Variants in AGBL4 observed in about 807,000 individuals in gnomAD.
AGBL4 encodes the protein cytosolic carboxypeptidase 6.
In AGBL4, 58 loss-of-function variants were observed where a neutral mutation model predicts 66.4. The observed-to-expected ratio is 0.87, with a 90% CI of 0.71 to 1.09. The LOEUF (loss-of-function observed/expected upper bound fraction) is 1.09. Among genes scored for constraint, AGBL4 ranks in the 50% least tolerant of loss-of-function variants. The probability of loss-of-function intolerance (pLI) is 0.00; values close to 1 mark genes in which losing one functional copy is unlikely to be tolerated. For synonymous variants in AGBL4, 234 were observed against 222.9 expected (o/e 1.05, Z -0.44); for missense variants, 579 against 631.0 (o/e 0.92, Z 0.88).
intron 5 of AGBL4, among the ~76,000 whole-genome samples, chr1:48,878,263 C>A (rs934024684): frequency 1.1e-4 from 16 of 152,106 alleles, no homozygotes; most frequent in Admixed American, 1.0e-3. Flanking sequence ...AAGTAGCTCA[C>A]AGCAGCTCCA....
At chr1:50,019,978 C>A (rs987285803) in intron 1 of AGBL4, among the ~76,000 whole-genome samples, 9 of 151,950 alleles carry the variant, frequency 5.9e-5, no homozygotes, top group African/African-American at 2.2e-4. Context: ...GACCCTCTTA[C>A]AGAGCTATCT....
intron 12 of AGBL4, 124 bp from the exon 13 acceptor site, chr1:48,535,040 G>A (rs1643946438): frequency 1.4e-5 from 13 of 898,440 alleles, no homozygotes; most frequent in Admixed American, 2.4e-5. Context: ...AGCATAGGAC[G>A]TAAGTATGTT....
intron 3 of AGBL4, among the ~76,000 whole-genome samples, chr1:49,271,692 A>G (rs1644062705): frequency 6.6e-6 from 1 of 151,952 alleles, no homozygotes. Context: ...ATATTCTACC[A>G]TTTACTTTTA....
At chr1:49,589,409 C>T (rs1233372426) in intron 3 of AGBL4, among the ~76,000 whole-genome samples, 3 of 151,974 alleles carry the variant, frequency 2.0e-5, no homozygotes, top group Non-Finnish European at 4.4e-5. Flanking sequence ...TTTCACTATA[C>T]CATAGCTGTC....
At chr1:49,977,197 C>T (rs1446431272) in intron 1 of AGBL4, among the ~76,000 whole-genome samples, 1 of 150,584 alleles carries the variant, frequency 6.6e-6, no homozygotes, top group African/African-American at 2.4e-5. Flanking sequence ...ATGGGCTTCA[C>T]CTCCCAAATT....
At chr1:49,358,317 A>G (rs1362629083) in intron 3 of AGBL4, among the ~76,000 whole-genome samples, 1 of 152,098 alleles carries the variant, frequency 6.6e-6, no homozygotes, top group Non-Finnish European at 1.5e-5. Flanking sequence ...CCCAGACCCT[A>G]GTTAAAGATT....
intron 1 of AGBL4, among the ~76,000 whole-genome samples, chr1:49,993,852 T>C (rs996852223): frequency 1.3e-5 from 2 of 152,190 alleles, no homozygotes; most frequent in African/African-American, 2.4e-5. Context: ...ACCTTTGCTG[T>C]TGTAAACTCC....
intron 6 of AGBL4, among the ~76,000 whole-genome samples, chr1:48,665,287 A>G (rs1646168211): frequency 6.6e-6 from 1 of 152,210 alleles, no homozygotes; most frequent in African/African-American, 2.4e-5. Flanking sequence ...TTCAACACCT[A>G]AGCATTTCCT....
intron 4 of AGBL4, among the ~76,000 whole-genome samples, chr1:49,056,593 T>C (rs1041172447): frequency 5.3e-5 from 8 of 152,118 alleles, no homozygotes; most frequent in Non-Finnish European, 7.4e-5. Context: ...GAATAAGTGA[T>C]GAGGAGACTG....
At chr1:49,535,510 T>C (rs1448733139) in intron 3 of AGBL4, among the ~76,000 whole-genome samples, 2 of 151,502 alleles carry the variant, frequency 1.3e-5, no homozygotes, top group Non-Finnish European at 1.5e-5. Flanking sequence ...AAAGATTGAC[T>C]GACTTTACTA....
intron 3 of AGBL4, among the ~76,000 whole-genome samples, chr1:49,695,442 C>G (rs1215558735): frequency 1.3e-5 from 2 of 152,104 alleles, no homozygotes; most frequent in Non-Finnish European, 2.9e-5. Flanking sequence ...TTCAGTAACA[C>G]AGACTTTGGA....
At chr1:49,522,176 T>A (rs191872677) in intron 3 of AGBL4, among the ~76,000 whole-genome samples, 2 of 152,138 alleles carry the variant, frequency 1.3e-5, no homozygotes, top group Non-Finnish European at 2.9e-5. Context: ...TTGAGTTAGA[T>A]TTTTTTTGTT....
At chr1:48,946,962 G>A (rs545499383) in intron 5 of AGBL4, among the ~76,000 whole-genome samples, 3 of 152,194 alleles carry the variant, frequency 2.0e-5, no homozygotes, top group Non-Finnish European at 4.4e-5. Context: ...GAAAGGCTCT[G>A]CATCTCAGAG....
At chr1:49,703,684 T>G (rs966226102) in intron 2 of AGBL4, among the ~76,000 whole-genome samples, 3 of 151,970 alleles carry the variant, frequency 2.0e-5, no homozygotes, top group Non-Finnish European at 4.4e-5. Context: ...TGTCCTTCTA[T>G]TCAACATTTT....
At chr1:49,126,347 G>A (rs1645763923) in intron 4 of AGBL4, among the ~76,000 whole-genome samples, 1 of 152,138 alleles carries the variant, frequency 6.6e-6, no homozygotes, top group Non-Finnish European at 1.5e-5. Context: ...GTGATCTGAA[G>A]ACTCCATAGC....
chr1:48,685,481 C>G (rs111489623), intron 6 of AGBL4, among the ~76,000 whole-genome samples: 1 of 152,146 alleles, frequency 6.6e-6, no homozygotes, highest in Non-Finnish European at 1.5e-5. Flanking sequence ...GAAGCCTTGT[C>G]AGAACAAGAT....
intron 11 of AGBL4, among the ~76,000 whole-genome samples, chr1:48,563,659 G>A (rs12733785): frequency 1.1e-5 from 1 of 88,944 alleles, no homozygotes; most frequent in Non-Finnish European, 2.7e-5. Context: ...CAGATAGATA[G>A]ACAGACAATC....
At chr1:49,865,885 TC>T in intron 1 of AGBL4, 1 of 352,298 alleles carries the variant, frequency 2.8e-6, no homozygotes, top group Non-Finnish European at 5.7e-6. Context: ...GAGCTGTTAA[TC>T]AGAATAACCA....
chr1:49,543,264 G>A (rs1652206650), intron 3 of AGBL4, among the ~76,000 whole-genome samples: 1 of 152,088 alleles, frequency 6.6e-6, no homozygotes, highest in Non-Finnish European at 1.5e-5. Context: ...TGTGGATGCT[G>A]GGAAGGGGAT....
Sources: gnomAD v4.1 joint callset for allele counts (sites outside exome capture counted in the v4.1 genomes callset) on GRCh38, gnomAD v4.1.1 for gene constraint, MANE v1.5 for transcripts, NCBI Gene and HGNC (gene_info 2026-07-23, HGNC 2026-07-21) for gene names.